The following UTP18 variants were observed in gnomAD, a reference collection of about 807,000 sequenced individuals.
The protein encoded by UTP18 is U3 small nucleolar RNA-associated protein 18 homolog.
Under a neutral mutation model 61.1 loss-of-function variants are expected in UTP18, and 36 were observed. The ratio of observed to expected loss-of-function variants is 0.59; its 90% confidence interval spans 0.45 to 0.78. The LOEUF (loss-of-function observed/expected upper bound fraction) is 0.78. Ranked by LOEUF, UTP18 falls within the 30% of genes least tolerant of loss-of-function variation. UTP18 has a pLI of 0.00. For synonymous variants in UTP18, 282 were observed against 251.1 expected, an observed-to-expected ratio of 1.12 and a Z score of -1.16; for missense variants, 753 against 693.9, an observed-to-expected ratio of 1.09 and a Z score of -0.96.
chr17:51,260,550 C>G lies in UTP18; in HGVS notation c.-35C>G, dbSNP rs1415200049. 4 of 1,591,680 alleles carry G rather than the reference C, an allele frequency of 2.5e-6. No individual in the cohort carries two copies. The highest frequency in any genetic ancestry group is 3.4e-6 in the Non-Finnish European group (4 of 1,171,284). On this transcript the variant is annotated 5_prime_UTR_variant, in exon 1 of 14. Transcript: ENST00000225298. ...CCTGGGCGCATGCGCAGCGAGGTTC[C>G]ACGTGAGCGCCTGCGTTTCTCCTCA...
intron 10 of UTP18, among the ~76,000 whole-genome samples, chr17:51,287,265 A>G (rs998788691): frequency 5.9e-5 from 9 of 152,236 alleles, no homozygotes; most frequent in East Asian, 5.8e-4. Flanking sequence ...TTGGCCAACA[A>G]CCATTTAAGC....
chr17:51,273,314 G>T, intron 4 of UTP18, 48 bp from the exon 5 acceptor site: 1 of 1,450,900 alleles, frequency 6.9e-7, no homozygotes, highest in Non-Finnish European at 9.4e-7. Context: ...GGTAAAAGGG[G>T]CAGCTCATTG....
chr17:51,268,836 G>A lies in UTP18; in HGVS notation c.555-1G>A. ...TATATTTTTCAAATATTTTTGCTTA[G>A]ATTCCAACATGCCATGGGAGGAGTA... On this transcript the variant is annotated splice_acceptor_variant, in intron 3 of 13. Transcript: ENST00000225298. LOFTEE classifies it high-confidence loss of function. 6.2e-7 allele frequency: 1 copy of A among 1,613,722 alleles called. No homozygotes were observed. The highest frequency in any genetic ancestry group is 8.5e-7 in the Non-Finnish European group (1 of 1,179,728).
At chr17:51,276,747 A>G (rs1190909033) in intron 6 of UTP18, among the ~76,000 whole-genome samples, 1 of 152,216 alleles carries the variant, frequency 6.6e-6, no homozygotes, top group Non-Finnish European at 1.5e-5. Flanking sequence ...TCTTTTAGAG[A>G]ATAACACTTG....
At chr17:51,276,121 C>A in intron 6 of UTP18, 130 bp downstream of exon 6, 1 of 918,158 alleles carries the variant, frequency 1.1e-6, no homozygotes, top group Non-Finnish European at 1.5e-6. Flanking sequence ...CGAAGCATAG[C>A]TAAGTCTCAC....
chr17:51,296,084 G>T (rs1905363180), intron 12 of UTP18, among the ~76,000 whole-genome samples: 1 of 152,182 alleles, frequency 6.6e-6, no homozygotes, highest in Non-Finnish European at 1.5e-5. Context: ...TATATGCGCT[G>T]TCCAGGTTCT....
intron 3 of UTP18, among the ~76,000 whole-genome samples, chr17:51,268,008 TTTTTTG>T (rs1367971326): frequency 6.4e-5 from 7 of 109,618 alleles, no homozygotes; most frequent in African/African-American, 3.2e-4. Flanking sequence ...TTGTTTTTTG[TTTTTTG>T]TTTTTTTTTT....
At chr17:51,282,886 T>TTTTGTCA (rs398031071) in intron 9 of UTP18, among the ~76,000 whole-genome samples, 1 of 117,410 alleles carries the variant, frequency 8.5e-6, no homozygotes. Context: ...TTTTTTTTTT[T>TTTTGTCA]GAGACAGAGT....
intron 4 of UTP18, 34 bp from the exon 5 acceptor site, chr17:51,273,328 C>A (rs759283533): frequency 6.5e-7 from 1 of 1,546,794 alleles, no homozygotes; most frequent in Non-Finnish European, 8.8e-7. Flanking sequence ...CTCATTGATT[C>A]TAAAGATCAG....
At chr17:51,268,813 T>C (rs1412558988) in intron 3 of UTP18, 24 bp from the exon 4 acceptor site, 28 of 1,607,572 alleles carry the variant, frequency 1.7e-5, no homozygotes, top group Non-Finnish European at 2.2e-5. Flanking sequence ...GCCATAAATA[T>C]ATTTTTCAAA....
At chr17:51,284,552 C>T (rs1049245393) in intron 9 of UTP18, among the ~76,000 whole-genome samples, 1 of 151,998 alleles carries the variant, frequency 6.6e-6, no homozygotes, top group Non-Finnish European at 1.5e-5. Flanking sequence ...TAGTCTAATA[C>T]CTGTTGATAG....
chr17:51,280,827 T>A (rs1469053935), intron 9 of UTP18, among the ~76,000 whole-genome samples: 2 of 151,370 alleles, frequency 1.3e-5, no homozygotes, highest in Non-Finnish European at 2.9e-5. Flanking sequence ...AAAAAATTTT[T>A]TTTTTAGCCA....
At chr17:51,266,325 C>G in intron 3 of UTP18, 45 bp downstream of exon 3, 2 of 1,372,368 alleles carry the variant, frequency 1.5e-6, no homozygotes, top group Admixed American at 2.4e-5. Flanking sequence ...TGTATGTAAC[C>G]AATGCCCAGT....
chr17:51,285,280 A>T lies in UTP18; in HGVS notation c.1240A>T (p.Arg414Trp). ...AGTTTATGTTTGGGATGTGAACTCA[A>T]GGAAGTGCCTTAACAGATTTGTTGA... ...GEVYVWDVNS[R>W]KCLNRFVDEG... The change falls in exon 10 of 14, where the codon AGG becomes TGG. Residue 414 changes from arginine to tryptophan, a missense_variant. Physicochemically the swap from Arg to Trp is moderately radical, Grantham distance 101. Transcript: ENST00000225298. 6.2e-7 allele frequency: 1 copy of T among 1,613,978 alleles called. No homozygotes were observed. Among genetic ancestry groups the T allele is most frequent in the Non-Finnish European group, 8.5e-7 (1 of 1,179,932 alleles).
intron 1 of UTP18, among the ~76,000 whole-genome samples, chr17:51,262,741 G>A (rs1213321192): frequency 1.3e-5 from 2 of 152,034 alleles, no homozygotes; most frequent in Admixed American, 6.6e-5. Flanking sequence ...CTGTAGAGAC[G>A]AGATCTCCCT....
rs77802867 is a variant in UTP18, at chr17:51,270,188, A to G, written c.622+1284A>G. On this transcript the variant is annotated intron_variant, in intron 4 of 13. Coordinates refer to ENST00000225298, the MANE Select transcript of UTP18 (RefSeq NM_016001.3). ...TCCCCTTCTTCCCTTTTCTTTAAGAACTGTTAGACAGTTTTTCCTATTTTG... is the reference window on the plus strand; with the variant it reads ...TCCCCTTCTTCCCTTTTCTTTAAGAGCTGTTAGACAGTTTTTCCTATTTTG... Among the ~76,000 whole-genome samples the G allele has an allele frequency of 2.6e-3, 402 of 152,182 alleles. 3 individuals carry two copies. Among genetic ancestry groups the G allele is most frequent in the African/African-American group, 9.4e-3 (389 of 41,514 alleles).
At chr17:51,271,485 AT>A (rs1184353891) in intron 4 of UTP18, among the ~76,000 whole-genome samples, 4 of 150,894 alleles carry the variant, frequency 2.7e-5, no homozygotes, top group South Asian at 2.1e-4. Flanking sequence ...GAAAAAAAAA[AT>A]TTTTTTTTGT....
Position 51,293,972 on chromosome 17 carries a change from C to T in UTP18, c.1573C>T (p.His525Tyr). The T allele has an allele frequency of 6.2e-7, 1 of 1,610,452 alleles. No individual in the cohort carries two copies. The change falls in exon 12 of 14, where the codon CAT (histidine) becomes TAT (tyrosine). Residue 525 changes from histidine (H) to tyrosine (Y), a missense_variant. By Grantham distance (83) the His-to-Tyr change is moderately conservative. Transcript: ENST00000225298. ...VIKNKNISHVHTMDFSPRSGY... is the reference protein window; with the variant it reads ...VIKNKNISHVYTMDFSPRSGY... Reference sequence around the variant, plus strand: ...TAAAAATAAGAATATTTCTCATGTTCATACCATGGATTTTTCTCCGAGAAG... The same window carrying T: ...TAAAAATAAGAATATTTCTCATGTTTATACCATGGATTTTTCTCCGAGAAG...
At chr17:51,268,379 T>C (rs1410819918) in intron 3 of UTP18, among the ~76,000 whole-genome samples, 1 of 152,238 alleles carries the variant, frequency 6.6e-6, no homozygotes, top group Non-Finnish European at 1.5e-5. Context: ...AGCTTACTTT[T>C]TCCAGAGTGA....
Sources: allele counts gnomAD v4.1 joint callset (sites outside exome capture counted in the v4.1 genomes callset), GRCh38; gene constraint gnomAD v4.1.1; transcripts MANE v1.5; gene names NCBI Gene and HGNC (gene_info 2026-07-23, HGNC 2026-07-21).